Variants in POLR1F observed in about 807,000 individuals in gnomAD.
POLR1F encodes RNA polymerase I subunit F.
In POLR1F, 23 loss-of-function variants were observed where a neutral mutation model predicts 21.8. That is an observed-to-expected ratio of 1.05 (90% CI 0.76 to 1.49). The LOEUF (loss-of-function observed/expected upper bound fraction) is 1.49, where lower values mean the gene tolerates loss of function less well. Ranked by LOEUF, POLR1F falls within the 40% of genes most tolerant of loss-of-function variation. The pLI is 0.00. For synonymous variants in POLR1F, 162 were observed against 152.8 expected (o/e 1.06, Z -0.45); for missense variants, 435 against 412.1 (o/e 1.06, Z -0.48).
rs561305387 is a variant in POLR1F at position 19,698,487 on chromosome 7, TTTC to T, written c.843_845del (p.Lys283del). On this transcript the variant is annotated inframe_deletion, in exon 4 of 4. Coordinates refer to ENST00000222567, the MANE Select transcript of POLR1F (RefSeq NM_001002926.2). ...CCTGGTCCTGAACTTCCTGGTGCTT[TTTC>T]TTCTTCTTCTTTTTCTTTGGCTCCT... 359 of 1,611,364 alleles carry T rather than the reference TTTC, an allele frequency of 2.2e-4. No individual in the cohort carries two copies. In the African/African-American group the frequency reaches 3.8e-3, roughly 17 times the overall value.
At chr7:19,699,494 A>T (rs537905404) in intron 3 of POLR1F, among the ~76,000 whole-genome samples, 96 of 152,290 alleles carry the variant, frequency 6.3e-4, no homozygotes, top group Middle Eastern at 6.8e-3. Context: ...CAGAACTTCA[A>T]CCCATACTCT....
At chr7:19,703,504 T>G (rs989481691) in intron 2 of POLR1F, among the ~76,000 whole-genome samples, 2 of 152,180 alleles carry the variant, frequency 1.3e-5, no homozygotes, top group Non-Finnish European at 2.9e-5. Context: ...GAGTGGATCT[T>G]GTAGTAGGTA....
intron 3 of POLR1F, among the ~76,000 whole-genome samples, chr7:19,699,713 A>G (rs1783425646): frequency 6.6e-6 from 1 of 152,154 alleles, no homozygotes; most frequent in Non-Finnish European, 1.5e-5. Flanking sequence ...GTGTGTAAAA[A>G]CAAAGCAGGC....
chr7:19,700,529 T>A (rs1049558696), intron 2 of POLR1F, among the ~76,000 whole-genome samples: 3 of 152,184 alleles, frequency 2.0e-5, no homozygotes, highest in Non-Finnish European at 4.4e-5. Flanking sequence ...ATTAACTGTC[T>A]AACTGGGCAC....
rs141326297 is a variant in POLR1F, at chr7:19,705,751, T to C, written c.255-831A>G. On this transcript the variant is annotated intron_variant, in intron 1 of 3. Transcript: ENST00000222567. ...CTTAGCTTTTAAGGAATTATAACTA[T>C]TAAGGAGAAAGACCTAGTGGTGGGA... Among the ~76,000 whole-genome samples the C allele has an allele frequency of 7.2e-4, 110 of 152,304 alleles. 1 individual carries two copies. The East Asian group carries it at 0.017, about 23-fold the overall frequency.
chr7:19,703,383 A>T (rs560206273), intron 2 of POLR1F, among the ~76,000 whole-genome samples: 1 of 152,228 alleles, frequency 6.6e-6, no homozygotes, highest in Non-Finnish European at 1.5e-5. Context: ...ACCTGACGAA[A>T]TTCACTGAAC....
intron 1 of POLR1F, among the ~76,000 whole-genome samples, chr7:19,705,915 T>C (rs1783517406): frequency 6.6e-6 from 1 of 152,122 alleles, no homozygotes; most frequent in Non-Finnish European, 1.5e-5. Context: ...CCACTACTTG[T>C]TGGAGAAAAC....
chr7:19,701,175 C>G (rs1411678200), intron 2 of POLR1F, among the ~76,000 whole-genome samples: 1 of 152,100 alleles, frequency 6.6e-6, no homozygotes, highest in Non-Finnish European at 1.5e-5. Flanking sequence ...GATAAACAAA[C>G]TGGTACAGCT....
At chr7:19,700,352 T>TCAAAGA in intron 2 of POLR1F, 72 bp from the exon 3 acceptor site, 1 of 1,119,254 alleles carries the variant, frequency 8.9e-7, no homozygotes, top group African/African-American at 1.6e-5. Flanking sequence ...AACCAAACTT[T>TCAAAGA]ACAAGCTTCA....
intron 2 of POLR1F, among the ~76,000 whole-genome samples, chr7:19,701,339 A>G (rs537991869): frequency 9.8e-5 from 15 of 152,360 alleles, no homozygotes; most frequent in Non-Finnish European, 1.9e-4. Flanking sequence ...AACTACGGAA[A>G]CAGTAAAAAG....
intron 1 of POLR1F, among the ~76,000 whole-genome samples, chr7:19,707,487 T>A (rs1259651604): frequency 6.6e-6 from 1 of 152,308 alleles, no homozygotes; most frequent in East Asian, 1.9e-4. Flanking sequence ...ATCCAATGCC[T>A]TTCCCCTGAC....
chr7:19,705,777 G>A (rs550115298), intron 1 of POLR1F, among the ~76,000 whole-genome samples: 2 of 152,270 alleles, frequency 1.3e-5, no homozygotes, highest in African/African-American at 2.4e-5. Flanking sequence ...AGTGGTGGGA[G>A]GCGGAGGGTG....
chr7:19,698,757 GAAC>G, intron 3 of POLR1F, 30 bp from the exon 4 acceptor site: 2 of 1,478,458 alleles, frequency 1.4e-6, no homozygotes, highest in Middle Eastern at 1.8e-4. Context: ...AAAATTAACA[GAAC>G]AATAAGCAAA....
In POLR1F at chr7:19,698,389, T is replaced by C. The variant is rs1344123315; in HGVS notation, c.944A>G (p.His315Arg). Residue 315 changes from histidine to arginine, a missense_variant, in exon 4 of 4, where the codon CAC becomes CGC. Transcript: ENST00000222567. ...TGGGGTAAATTCGGCCTCTTCACTG[T>C]GTTTTCTTTTCTTTTTTTTCTTTTT... The part of the protein sequence containing the change: ...DHKKKKKKRK[H>R]SEEAEFTPPL... The C allele has an allele frequency of 1.3e-6, 2 of 1,599,854 alleles. No individual in the cohort carries two copies. Among genetic ancestry groups the C allele is most frequent in the Middle Eastern group, 1.7e-4 (1 of 5,964 alleles).
chr7:19,700,006 C>T (rs1205945895), intron 3 of POLR1F, 66 bp downstream of exon 3: 3 of 1,329,628 alleles, frequency 2.3e-6, no homozygotes, highest in South Asian at 2.5e-5. Flanking sequence ...AAATAAAATT[C>T]TCTTTAAAAT....
chr7:19,703,772 T>C (rs1783478199), intron 2 of POLR1F, among the ~76,000 whole-genome samples: 1 of 152,132 alleles, frequency 6.6e-6, no homozygotes, highest in Non-Finnish European at 1.5e-5. Flanking sequence ...TTTTTTATTT[T>C]GTGTAGAGAT....
rs1465026286 is a variant in POLR1F at position 19,708,626 on chromosome 7, G to A, written c.254+137C>T. The A allele has an allele frequency of 4.8e-6, 6 of 1,238,660 alleles. No individual in the cohort carries two copies. The African/African-American group carries it at 9.0e-5, about 19-fold the overall frequency. The allele number at this position is 1,238,660 out of a possible 1,614,324, so 76.7% of individuals were successfully genotyped here. A position where few individuals can be genotyped will look rare whatever the true frequency, so the allele number is the denominator to read the frequency against. ...GTACTGGCCTTGAGGGACGGATCGC[G>A]ACTCTAGAAATCCAGGGGGCTAAGC... On this transcript the variant is annotated intron_variant, in intron 1 of 3. Coordinates refer to ENST00000222567, the MANE Select transcript of POLR1F (RefSeq NM_001002926.2).
In POLR1F at chr7:19,708,960, C is replaced by T. The variant is rs763005514; in HGVS notation, c.57G>A (p.Leu19=). ...PRPAAASDGS[L]VGQAGVLPCL... ...AAGGCAGGACGCCAGCCTGCCCTAC[C>T]AGAGACCCATCAGAAGCCGCCGCTG... Residue 19 remains leucine, a synonymous_variant, in exon 1 of 4, where the codon CTG becomes CTA. Transcript: ENST00000222567. The T allele has an allele frequency of 3.1e-6, 5 of 1,606,912 alleles. No homozygotes were observed. Among genetic ancestry groups the T allele is most frequent in the Non-Finnish European group, 4.3e-6 (5 of 1,175,486 alleles).
rs1469661743 is a variant in POLR1F, at chr7:19,708,788, C to T, written c.229G>A (p.Ala77Thr). The T allele has an allele frequency of 1.2e-6, 2 of 1,613,492 alleles. No homozygotes were observed. Among genetic ancestry groups the T allele is most frequent in the Non-Finnish European group, 1.7e-6 (2 of 1,179,504 alleles). The stretch of plus-strand genomic sequence containing the variant: ...CTCTCAGAATAGCGAAGGAGCTCCG[C>T]ATCAAGCTGTTCTCGAATGCCGGTG... The part of the protein sequence containing the change: ...KRTGIREQLD[A>T]ELLRYSESLL... Residue 77 changes from alanine to threonine, a missense_variant, in exon 1 of 4, where the codon GCG becomes ACG. Ala to Thr is a moderately conservative substitution (Grantham distance 58). Coordinates refer to ENST00000222567, the MANE Select transcript of POLR1F (RefSeq NM_001002926.2).
Sources: allele counts gnomAD v4.1 joint callset (sites outside exome capture counted in the v4.1 genomes callset), GRCh38; gene constraint gnomAD v4.1.1; transcripts MANE v1.5; gene names NCBI Gene and HGNC (gene_info 2026-07-23, HGNC 2026-07-21).